The following KAZN variants were observed in gnomAD, a reference collection of about 807,000 sequenced individuals.
KAZN encodes the protein kazrin, periplakin interacting protein.
Under a neutral mutation model 87.4 loss-of-function variants are expected in KAZN, and 40 were observed. That is an observed-to-expected ratio of 0.46 (90% CI 0.36 to 0.60). KAZN has a LOEUF of 0.60. Among genes scored for constraint, KAZN ranks in the 20% least tolerant of loss-of-function variants. KAZN has a pLI of 0.00. For missense variants in KAZN, 898 were observed against 1,073.9 expected, an observed-to-expected ratio of 0.84 and a Z score of 2.29; for synonymous variants, 466 against 458.3, an observed-to-expected ratio of 1.02 and a Z score of -0.22.
intron 1 of KAZN, among the ~76,000 whole-genome samples, chr1:13,921,420 G>C (rs1462319970): frequency 6.6e-6 from 1 of 152,174 alleles, no homozygotes; most frequent in Non-Finnish European, 1.5e-5. Flanking sequence ...GAATGTGGCT[G>C]TGTTTCAATA....
chr1:14,587,464 G>A (rs920134838), intron 2 of KAZN, among the ~76,000 whole-genome samples: 8 of 151,568 alleles, frequency 5.3e-5, no homozygotes, highest in African/African-American at 1.7e-4. Context: ...AAAAAAAAGA[G>A]GTTTACCTGG....
At chr1:13,941,503 G>T (rs567876964) in intron 1 of KAZN, among the ~76,000 whole-genome samples, 28 of 152,294 alleles carry the variant, frequency 1.8e-4, no homozygotes, top group African/African-American at 6.5e-4. Context: ...ACCTTGGCAA[G>T]TCAAGTCAGG....
chr1:14,010,400 G>A lies in KAZN; in HGVS notation c.91+116644G>A, dbSNP rs113767874. Among the ~76,000 whole-genome samples the A allele has an allele frequency of 2.6e-3, 389 of 152,308 alleles. 3 individuals are homozygous for A. The East Asian group carries it at 0.043, about 17-fold the overall frequency. On this transcript the variant is annotated intron_variant, in intron 1 of 16. Coordinates refer to the KAZN transcript ENST00000636203. ...AGAATATGAGTGTTGAAACTGTAAC[G>A]TATCATTTTAATTTCTGATCAGCAT...
At chr1:14,174,188 G>C (rs189750032) in intron 1 of KAZN, among the ~76,000 whole-genome samples, 1 of 152,196 alleles carries the variant, frequency 6.6e-6, no homozygotes, top group Non-Finnish European at 1.5e-5. Context: ...CTGGCGAAAA[G>C]GTGGTGGTAG....
intron 2 of KAZN, among the ~76,000 whole-genome samples, chr1:14,510,378 C>CA (rs70997152): frequency 0.53 from 76,928 of 144,432 alleles, 20,499 homozygotes; most frequent in Middle Eastern, 0.66. Context: ...AACTCCATCT[C>CA]AAAAAAAAAA....
At chr1:14,813,582 C>T (rs147081504) in intron 1 of KAZN, among the ~76,000 whole-genome samples, 30 of 152,298 alleles carry the variant, frequency 2.0e-4, no homozygotes, top group African/African-American at 7.2e-4. Context: ...CCTCACCCAC[C>T]GCTGCCTGAA....
intron 2 of KAZN, among the ~76,000 whole-genome samples, chr1:14,444,794 A>G (rs10927437): frequency 0.25 from 37,870 of 152,034 alleles, 5,525 homozygotes; most frequent in Middle Eastern, 0.42. Context: ...TTTAAATAAG[A>G]GCCCAAAACA....
intron 2 of KAZN, among the ~76,000 whole-genome samples, chr1:14,986,421 G>C (rs1271080106): frequency 6.6e-6 from 1 of 152,170 alleles, no homozygotes; most frequent in Non-Finnish European, 1.5e-5. Flanking sequence ...TTGCAGAGAG[G>C]AAACTTGTGT....
chr1:14,953,839 T>C lies in KAZN; in HGVS notation c.227-6845T>C, dbSNP rs113654454. 1.8e-3 allele frequency among the ~76,000 whole-genome samples: 281 copies of C among 152,266 alleles called. 1 individual carries two copies. The highest frequency in any genetic ancestry group is 6.4e-3 in the African/African-American group (267 of 41,552). On this transcript the variant is annotated intron_variant, in intron 1 of 14. Coordinates refer to ENST00000376030, the MANE Select transcript of KAZN (RefSeq NM_201628.3). Reference sequence around the variant, plus strand: ...AAGTGGAGAAAGGTGGAGAAAGAGGTAAAGCCTTATTTTTGTAAGAGTCAT... The same window carrying C: ...AAGTGGAGAAAGGTGGAGAAAGAGGCAAAGCCTTATTTTTGTAAGAGTCAT...
chr1:14,236,371 C>T (rs1648419800), intron 2 of KAZN, among the ~76,000 whole-genome samples: 1 of 152,146 alleles, frequency 6.6e-6, no homozygotes. Context: ...CATCTGCTGC[C>T]CAGGTCTTCC....
At chr1:14,385,498 C>T (rs909613641) in intron 2 of KAZN, among the ~76,000 whole-genome samples, 7 of 152,046 alleles carry the variant, frequency 4.6e-5, no homozygotes, top group Non-Finnish European at 7.4e-5. Context: ...GTCCCAGAGA[C>T]TCTGGTATGT....
At chr1:14,546,470 CAGA>C (rs765590985) in intron 2 of KAZN, among the ~76,000 whole-genome samples, 7 of 151,526 alleles carry the variant, frequency 4.6e-5, no homozygotes, top group Non-Finnish European at 8.8e-5. Flanking sequence ...TGAGAGGTGC[CAGA>C]AGAAGAGAAG....
At chr1:15,080,938 G>A (rs1192391343) in intron 8 of KAZN, among the ~76,000 whole-genome samples, 4 of 152,238 alleles carry the variant, frequency 2.6e-5, no homozygotes, top group African/African-American at 4.8e-5. Context: ...TACGATGCAC[G>A]GGACAGCCCC....
intron 2 of KAZN, among the ~76,000 whole-genome samples, chr1:14,205,237 T>C (rs934557466): frequency 5.3e-5 from 8 of 152,204 alleles, no homozygotes; most frequent in African/African-American, 1.9e-4. Context: ...TTCAGCTGTG[T>C]TCTCAGGAGA....
chr1:14,404,799 T>C (rs1663696590), intron 2 of KAZN, among the ~76,000 whole-genome samples: 1 of 152,224 alleles, frequency 6.6e-6, no homozygotes, highest in African/African-American at 2.4e-5. Flanking sequence ...CCAACATATA[T>C]TGTCATTGAC....
chr1:14,642,170 C>A, intron 1 of KAZN, among the ~76,000 whole-genome samples: 1 of 152,134 alleles, frequency 6.6e-6, no homozygotes, highest in Non-Finnish European at 1.5e-5. Flanking sequence ...GAGGCCAAGG[C>A]GGGCAGATGA....
At chr1:14,627,547 C>T (rs1679237467) in intron 1 of KAZN, among the ~76,000 whole-genome samples, 1 of 152,232 alleles carries the variant, frequency 6.6e-6, no homozygotes, top group African/African-American at 2.4e-5. Context: ...AATCTGCTTT[C>T]TTCCTGCTGC....
chr1:15,111,163 T>C (rs141388216), intron 13 of KAZN, among the ~76,000 whole-genome samples: 1 of 152,242 alleles, frequency 6.6e-6, no homozygotes, highest in East Asian at 1.9e-4. Context: ...ATCAGTGCTG[T>C]CTCCTACACA....
chr1:14,924,549 C>T (rs1158539173), intron 1 of KAZN: 53 of 1,010,776 alleles, frequency 5.2e-5, no homozygotes, highest in Non-Finnish European at 5.4e-5. Context: ...CGGGTCCGAG[C>T]GGATGGCGAC....
Sources: gnomAD v4.1 joint callset for allele counts (sites outside exome capture counted in the v4.1 genomes callset) on GRCh38, gnomAD v4.1.1 for gene constraint, MANE v1.5 for transcripts, NCBI Gene and HGNC (gene_info 2026-07-23, HGNC 2026-07-21) for gene names.